The following PKIB variants were observed in gnomAD, a reference collection of about 807,000 sequenced individuals.
The protein encoded by PKIB is PKI-beta.
Under a neutral mutation model 4.5 loss-of-function variants are expected in PKIB, and 2 were observed. The observed-to-expected ratio is 0.44, with a 90% CI of 0.18 to 1.39. PKIB has a LOEUF of 1.39. Among genes scored for constraint, PKIB ranks in the 40% most tolerant of loss-of-function variants. The pLI is 0.27. For missense variants in PKIB, 94 were observed against 92.6 expected (o/e 1.02, Z -0.06); for synonymous variants, 38 against 36.0 (o/e 1.06, Z -0.20).
At chr6:122,674,412 A>G (rs981903441) in intron 2 of PKIB, among the ~76,000 whole-genome samples, 1 of 152,170 alleles carries the variant, frequency 6.6e-6, no homozygotes, top group African/African-American at 2.4e-5. Context: ...AAAGTGCCTT[A>G]TTGCTATGAG....
chr6:122,530,969 A>C (rs1400546151), intron 2 of PKIB, among the ~76,000 whole-genome samples: 2 of 152,178 alleles, frequency 1.3e-5, no homozygotes, highest in Non-Finnish European at 2.9e-5. Flanking sequence ...GTATCTACTC[A>C]ATTTGCCTCT....
chr6:122,707,424 A>G (rs1435243831), intron 3 of PKIB, among the ~76,000 whole-genome samples: 1 of 152,138 alleles, frequency 6.6e-6, no homozygotes, highest in Admixed American at 6.5e-5. Flanking sequence ...ATATGGGCTA[A>G]GAGACATCCT....
rs1372478400 is a variant in PKIB at position 122,633,324 on chromosome 6, T to C, written c.-119T>C. ...AAAAGACACTTCATCAAGATAACTCTGGGAGAAGCAGAAAACCCTGTGCCA... is the reference window on the plus strand; with the variant it reads ...AAAAGACACTTCATCAAGATAACTCCGGGAGAAGCAGAAAACCCTGTGCCA... On this transcript the variant is annotated 5_prime_UTR_variant, in exon 2 of 5. Coordinates refer to ENST00000368452, the MANE Select transcript of PKIB (RefSeq NM_181795.3). 6.6e-6 allele frequency: 1 copy of C among 152,148 alleles called. No individual in the cohort carries two copies. Among genetic ancestry groups the C allele is most frequent in the Admixed American group, 6.5e-5 (1 of 15,276 alleles). 9.4% of individuals were successfully genotyped at this position (152,148 alleles called of 1,614,324 possible).
At chr6:122,612,885 T>C (rs1582737588) in intron 1 of PKIB, among the ~76,000 whole-genome samples, 1 of 152,122 alleles carries the variant, frequency 6.6e-6, no homozygotes, top group South Asian at 2.1e-4. Flanking sequence ...TTTGTAGAAG[T>C]TATATATATA....
intron 2 of PKIB, among the ~76,000 whole-genome samples, chr6:122,484,469 T>C (rs1316685724): frequency 6.6e-6 from 1 of 152,216 alleles, no homozygotes; most frequent in Non-Finnish European, 1.5e-5. Context: ...ACTTAATTTT[T>C]GGAAGATGTA....
intron 3 of PKIB, among the ~76,000 whole-genome samples, chr6:122,675,662 A>G (rs1582801141): frequency 6.6e-6 from 1 of 152,302 alleles, no homozygotes; most frequent in Admixed American, 6.5e-5. Flanking sequence ...TTATTGTCCT[A>G]TACCCAAAAC....
intron 3 of PKIB, among the ~76,000 whole-genome samples, chr6:122,593,471 T>C (rs1477192197): frequency 6.6e-6 from 1 of 152,150 alleles, no homozygotes; most frequent in Non-Finnish European, 1.5e-5. Context: ...AACTGAAAAA[T>C]ATTTTTTATT....
intron 1 of PKIB, among the ~76,000 whole-genome samples, chr6:122,628,950 A>G (rs530054369): frequency 2.6e-5 from 4 of 152,148 alleles, no homozygotes; most frequent in Non-Finnish European, 5.9e-5. Flanking sequence ...TTCCATGGGG[A>G]ACTCAGCAGC....
chr6:122,632,451 C>T (rs374908605), intron 1 of PKIB, among the ~76,000 whole-genome samples: 10 of 152,192 alleles, frequency 6.6e-5, no homozygotes, highest in Non-Finnish European at 1.5e-4. Context: ...GAAAGGGCGT[C>T]TGGTTAACCC....
chr6:122,653,889 C>G (rs1050727049), intron 2 of PKIB, among the ~76,000 whole-genome samples: 3 of 152,048 alleles, frequency 2.0e-5, no homozygotes, highest in African/African-American at 7.2e-5. Flanking sequence ...ACCTGAGAGG[C>G]GGAGGTTGCA....
In PKIB at chr6:122,630,308, A is replaced by G. The variant is rs375889021; in HGVS notation, c.-160-2975A>G. Among the ~76,000 whole-genome samples the G allele has an allele frequency of 9.1e-4, 138 of 152,310 alleles. 1 individual carries two copies. The highest frequency in any genetic ancestry group is 1.6e-3 in the Non-Finnish European group (110 of 68,008). On this transcript the variant is annotated intron_variant, in intron 1 of 4. Transcript: ENST00000368452. ...TCCATTGATGGATGAATACATAAAC[A>G]AAATACAATATATACATCAGAGTAT... is the stretch of plus-strand genomic sequence containing the variant.
chr6:122,489,778 T>C (rs1775886102), intron 2 of PKIB, among the ~76,000 whole-genome samples: 1 of 152,240 alleles, frequency 6.6e-6, no homozygotes, highest in African/African-American at 2.4e-5. Flanking sequence ...CCAGGCCTTC[T>C]TAAGAAGAAA....
chr6:122,585,830 G>C (rs1170381393), intron 2 of PKIB: 1 of 152,080 alleles, frequency 6.6e-6, no homozygotes, highest in African/African-American at 2.4e-5. Context: ...TTCCTAATGT[G>C]TTTGGGGTGT....
chr6:122,672,474 G>T (rs776175534), intron 2 of PKIB, among the ~76,000 whole-genome samples: 4 of 152,020 alleles, frequency 2.6e-5, no homozygotes, highest in Non-Finnish European at 5.9e-5. Flanking sequence ...CTTTGTAAAG[G>T]GTATCAATAC....
intron 2 of PKIB, among the ~76,000 whole-genome samples, chr6:122,560,031 A>G (rs910124950): frequency 6.6e-6 from 1 of 152,028 alleles, no homozygotes; most frequent in East Asian, 1.9e-4. Context: ...GATGCCCTTT[A>G]TTTCTTTCTC....
intron 3 of PKIB, among the ~76,000 whole-genome samples, chr6:122,684,684 T>C (rs1778028528): frequency 6.6e-6 from 1 of 152,234 alleles, no homozygotes; most frequent in South Asian, 2.1e-4. Context: ...TATACATCTT[T>C]GAAAATAGAC....
chr6:122,522,662 G>C (rs1014836489), intron 2 of PKIB, among the ~76,000 whole-genome samples: 2 of 152,134 alleles, frequency 1.3e-5, no homozygotes, highest in Non-Finnish European at 2.9e-5. Flanking sequence ...GGCTAGTGGA[G>C]GGAGTTTCCC....
chr6:122,597,131 C>G (rs1774203829), intron 3 of PKIB, among the ~76,000 whole-genome samples: 1 of 152,162 alleles, frequency 6.6e-6, no homozygotes, highest in Non-Finnish European at 1.5e-5. Context: ...TTCTCATCCT[C>G]TGGCATGGAA....
chr6:122,536,478 G>A (rs976473920), intron 2 of PKIB, among the ~76,000 whole-genome samples: 14 of 152,136 alleles, frequency 9.2e-5, no homozygotes, highest in African/African-American at 3.4e-4. Context: ...GCCTAGTTTA[G>A]ATTGAAGGAT....
Sources: allele counts gnomAD v4.1 joint callset (sites outside exome capture counted in the v4.1 genomes callset), GRCh38; gene constraint gnomAD v4.1.1; transcripts MANE v1.5; gene names NCBI Gene and HGNC (gene_info 2026-07-23, HGNC 2026-07-21).